The following TSPAN5 variants were observed in gnomAD, a reference collection of about 807,000 sequenced individuals.
TSPAN5 encodes the protein tetraspanin 5.
In TSPAN5, 10 loss-of-function variants were observed where a neutral mutation model predicts 37.1. The observed-to-expected ratio is 0.27, with a 90% CI of 0.17 to 0.46. The LOEUF (loss-of-function observed/expected upper bound fraction) is 0.46. Among genes scored for constraint, TSPAN5 ranks in the 20% least tolerant of loss-of-function variants. The probability of loss-of-function intolerance (pLI) is 1.00; values close to 1 mark genes in which losing one functional copy is unlikely to be tolerated. For missense variants in TSPAN5, 195 were observed against 326.6 expected (o/e 0.60, Z 3.11); for synonymous variants, 110 against 118.9 (o/e 0.93, Z 0.48).
At chr4:98,657,830 G>A in intron 1 of TSPAN5, 1 of 337,000 alleles carries the variant, frequency 3.0e-6, no homozygotes, top group Non-Finnish European at 5.5e-6. Context: ...TCCAATTCGT[G>A]TGGTTGCTCA....
intron 2 of TSPAN5, among the ~76,000 whole-genome samples, chr4:98,492,072 CT>C (rs1753097974): frequency 6.6e-6 from 1 of 152,140 alleles, no homozygotes. Flanking sequence ...CCACCTCCTC[CT>C]TGTAAGGATG....
intron 1 of TSPAN5, among the ~76,000 whole-genome samples, chr4:98,599,640 T>C (rs1755838709): frequency 6.6e-6 from 1 of 152,222 alleles, no homozygotes; most frequent in Admixed American, 6.5e-5. Flanking sequence ...ACCTACAGAC[T>C]AGTTTTGCCT....
chr4:98,516,979 G>A (rs1284487358), intron 1 of TSPAN5, among the ~76,000 whole-genome samples: 1 of 152,190 alleles, frequency 6.6e-6, no homozygotes, highest in Non-Finnish European at 1.5e-5. Flanking sequence ...CATGAGCTAA[G>A]TAAATGTCTC....
At chr4:98,518,344 C>G (rs145762985) in intron 1 of TSPAN5, among the ~76,000 whole-genome samples, 1,876 of 151,942 alleles carry the variant, frequency 0.012, 30 homozygotes, top group Non-Finnish European at 0.017. Flanking sequence ...TGCTAGGTGC[C>G]AGGGATAGAA....
At chr4:98,601,125 G>C (rs1236862545) in intron 1 of TSPAN5, among the ~76,000 whole-genome samples, 1 of 152,176 alleles carries the variant, frequency 6.6e-6, no homozygotes, top group Non-Finnish European at 1.5e-5. Flanking sequence ...GCTATAAACA[G>C]ATGTGCTGTC....
At chr4:98,567,603 T>C (rs975115503) in intron 1 of TSPAN5, among the ~76,000 whole-genome samples, 2 of 152,134 alleles carry the variant, frequency 1.3e-5, no homozygotes, top group Non-Finnish European at 2.9e-5. Context: ...CACAGCACGG[T>C]TGGGATGTAA....
intron 1 of TSPAN5, among the ~76,000 whole-genome samples, chr4:98,559,725 CT>C (rs1262173452): frequency 6.6e-6 from 1 of 152,200 alleles, no homozygotes; most frequent in African/African-American, 2.4e-5. Context: ...TTTTTAGCCC[CT>C]GTATCTTCAG....
chr4:98,629,651 T>C (rs1756698156), intron 1 of TSPAN5, among the ~76,000 whole-genome samples: 1 of 152,226 alleles, frequency 6.6e-6, no homozygotes, highest in African/African-American at 2.4e-5. Context: ...TCAGCCACTC[T>C]AAGAGGTACT....
At chr4:98,564,396 T>C (rs1754950753) in intron 1 of TSPAN5, among the ~76,000 whole-genome samples, 1 of 152,232 alleles carries the variant, frequency 6.6e-6, no homozygotes, top group African/African-American at 2.4e-5. Context: ...AAAACACTTC[T>C]TGATTATTGT....
intron 1 of TSPAN5, among the ~76,000 whole-genome samples, chr4:98,629,887 C>T (rs771787613): frequency 3.9e-5 from 6 of 152,192 alleles, no homozygotes; most frequent in Non-Finnish European, 5.9e-5. Flanking sequence ...CAAACTTATG[C>T]TTCCCTTTCA....
intron 1 of TSPAN5, among the ~76,000 whole-genome samples, chr4:98,513,768 A>C (rs1356236556): frequency 6.6e-6 from 1 of 152,136 alleles, no homozygotes; most frequent in East Asian, 1.9e-4. Flanking sequence ...TTCTCTTTGA[A>C]ATAAATTTCG....
At chr4:98,515,859 T>TG (rs1753716713) in intron 1 of TSPAN5, among the ~76,000 whole-genome samples, 1 of 152,220 alleles carries the variant, frequency 6.6e-6, no homozygotes, top group African/African-American at 2.4e-5. Flanking sequence ...TTCCATTGCT[T>TG]TTCTTAGCAA....
chr4:98,599,003 A>G (rs1755822102), intron 1 of TSPAN5, among the ~76,000 whole-genome samples: 2 of 152,226 alleles, frequency 1.3e-5, no homozygotes, highest in South Asian at 4.1e-4. Flanking sequence ...TACACTTCAA[A>G]AAATCTCCAA....
chr4:98,534,371 G>T (rs1290894852), intron 1 of TSPAN5, among the ~76,000 whole-genome samples: 1 of 152,158 alleles, frequency 6.6e-6, no homozygotes, highest in Admixed American at 6.6e-5. Flanking sequence ...CTGCACTGTG[G>T]TCTGACAGAC....
At chr4:98,566,049 T>C (rs1754997219) in intron 1 of TSPAN5, among the ~76,000 whole-genome samples, 1 of 152,084 alleles carries the variant, frequency 6.6e-6, no homozygotes, top group African/African-American at 2.4e-5. Context: ...AGAGTACATC[T>C]CCAGGGGAAA....
chr4:98,513,648 C>T (rs1369582882), intron 1 of TSPAN5, among the ~76,000 whole-genome samples: 1 of 152,122 alleles, frequency 6.6e-6, no homozygotes, highest in Non-Finnish European at 1.5e-5. Context: ...CAAAGACTTA[C>T]ATCCCCTCTG....
chr4:98,486,584 G>A (rs1196911511), intron 3 of TSPAN5, 154 bp downstream of exon 3: 2 of 762,438 alleles, frequency 2.6e-6, no homozygotes, highest in East Asian at 5.4e-5. Context: ...GGGAATCAGG[G>A]CTAGAGAGCT....
intron 5 of TSPAN5, among the ~76,000 whole-genome samples, chr4:98,476,704 G>A (rs1057408239): frequency 6.6e-6 from 1 of 152,270 alleles, no homozygotes; most frequent in Middle Eastern, 3.4e-3. Flanking sequence ...GGGAATATCA[G>A]AAAAGACAGC....
rs1197960095 is a variant in TSPAN5 at position 98,554,084 on chromosome 4, A to AT, written c.82-46357_82-46356insA. Among the ~76,000 whole-genome samples the AT allele has an allele frequency of 8.3e-3, 1,251 of 151,144 alleles. 18 individuals carry two copies. The highest frequency in any genetic ancestry group is 0.026 in the African/African-American group (1,084 of 41,258). On this transcript the variant is annotated intron_variant, in intron 1 of 7. Coordinates refer to ENST00000305798, the MANE Select transcript of TSPAN5 (RefSeq NM_005723.4). Reference sequence around the variant, plus strand: ...TCTATCTAAAAAAAAAATAAATTAAAAAAAAAATGTAAAAAGCAGTCTTGA... The same window carrying AT: ...TCTATCTAAAAAAAAAATAAATTAAATAAAAAAATGTAAAAAGCAGTCTTGA...
Sources: gnomAD v4.1 joint callset for allele counts (sites outside exome capture counted in the v4.1 genomes callset) on GRCh38, gnomAD v4.1.1 for gene constraint, MANE v1.5 for transcripts, NCBI Gene and HGNC (gene_info 2026-07-23, HGNC 2026-07-21) for gene names.